HID1: variants seen among roughly 807,000 people sequenced by gnomAD.
HID1 encodes HID1 domain containing.
HID1 carries 42 observed loss-of-function variants against 89.7 expected under a neutral mutation model. The observed-to-expected ratio is 0.47, with a 90% CI of 0.37 to 0.61. The LOEUF is 0.61. Ranked by LOEUF, HID1 falls within the 20% of genes least tolerant of loss-of-function variation. HID1 has a pLI of 0.00. For missense variants in HID1, 854 were observed against 1,039.3 expected (o/e 0.82, Z 2.45); for synonymous variants, 442 against 433.8 (o/e 1.02, Z -0.24).
rs1306933357 is a variant in HID1, at chr17:74,958,424, T to G, written c.1295A>C (p.Glu432Ala). 1.2e-6 allele frequency: 2 copies of G among 1,604,768 alleles called. No homozygotes were observed. The highest frequency in any genetic ancestry group is 3.4e-5 in the Admixed American group (2 of 58,536). ...GTTCAGCCGCACCCCGAAGTTCCGC[T>G]CCCCGCTCAGAAGCAGCAAGATGAA... The part of the protein sequence containing the change: ...GVFILLLLSG[E>A]RNFGVRLNKP... The change falls in exon 11 of 19, where the codon GAG (glutamate) becomes GCG (alanine). Residue 432 changes from glutamate to alanine, a missense_variant. Glu to Ala is a moderately radical substitution (Grantham distance 107, BLOSUM62 -1). Coordinates refer to ENST00000425042, the MANE Select transcript of HID1 (RefSeq NM_030630.3). This position sits in a 1 kb window ranked among gnomAD's most constrained non-coding sequence, Gnocchi z 5.2.
intron 2 of HID1, 124 bp from the exon 3 acceptor site, chr17:74,964,034 G>GAGACAGTGGGGCCAC (rs1366980091): frequency 1.0e-6 from 1 of 993,744 alleles, no homozygotes; most frequent in Non-Finnish European, 1.5e-6. Flanking sequence ...CTGCAGAGGA[G>GAGACAGTGGGGCCAC]AGACAGTGGG....
chr17:74,953,866 C>T (rs2039345347), intron 14 of HID1, among the ~76,000 whole-genome samples: 1 of 152,258 alleles, frequency 6.6e-6, no homozygotes, highest in Non-Finnish European at 1.5e-5. Flanking sequence ...CAACACCAAG[C>T]TACACATGCT....
intron 1 of HID1, among the ~76,000 whole-genome samples, chr17:74,966,951 G>A (rs1347646207): frequency 6.6e-6 from 1 of 151,668 alleles, no homozygotes; most frequent in Non-Finnish European, 1.5e-5. Flanking sequence ...TCTCAAAAAA[G>A]TAATAATGGC....
chr17:74,952,086 A>T, intron 17 of HID1, 23 bp from the exon 18 acceptor site: 2 of 1,554,108 alleles, frequency 1.3e-6, no homozygotes, highest in Middle Eastern at 1.9e-4. Flanking sequence ...GGGTATCTCC[A>T]GCACACTCAC....
At position 74,963,010 on chromosome 17, in the gene HID1, G is replaced by A. The variant is rs1428803992; in HGVS notation, c.459C>T (p.Leu153=). The A allele has an allele frequency of 1.2e-6, 2 of 1,613,750 alleles. No individual in the cohort carries two copies. Among genetic ancestry groups the A allele is most frequent in the Non-Finnish European group, 1.7e-6 (2 of 1,179,784 alleles). ...TCTGAACCGTGAAGTCCGGGCAGAAGAGCAGGTCAGCAATGGCCAGGAGCA... is the reference window on the plus strand; with the variant it reads ...TCTGAACCGTGAAGTCCGGGCAGAAAAGCAGGTCAGCAATGGCCAGGAGCA... ...ESLLLAIADL[L]FCPDFTVQSH... Residue 153 remains leucine, a synonymous_variant, in exon 4 of 19, where the codon CTC becomes CTT. Coordinates refer to ENST00000425042, the MANE Select transcript of HID1 (RefSeq NM_030630.3).
chr17:74,972,221 C>T lies in HID1; in HGVS notation c.66+370G>A, dbSNP rs986415736. Among the ~76,000 whole-genome samples the T allele has an allele frequency of 3.8e-5, 3 of 79,330 alleles. No individual in the cohort carries two copies. The highest frequency in any genetic ancestry group is 1.5e-4 in the African/African-American group (3 of 20,654). 52.0% of individuals were successfully genotyped at this position (79,330 alleles called of 152,430 possible). ...GGGCAATGAGGGGCAGGGAGGGGAG[C>T]GGACGGTGGATGGGTGGGTGGGGGC... On this transcript the variant is annotated intron_variant, in intron 1 of 18. Coordinates refer to ENST00000425042, the MANE Select transcript of HID1 (RefSeq NM_030630.3). The surrounding 1 kb of genome is among the most constrained non-coding windows in gnomAD (Gnocchi z 6.4).
rs1316686185 is a variant in HID1 at position 74,958,373 on chromosome 17, A to G, written c.1346T>C (p.Met449Thr). 2 of 1,613,096 alleles carry G rather than the reference A, an allele frequency of 1.2e-6. No individual in the cohort carries two copies. The highest frequency in any genetic ancestry group is 1.6e-4 in the Middle Eastern group (1 of 6,062). Reference sequence around the variant, plus strand: ...GGTCCCTGTGAAGACTGGGATGTCCATGGGCACGCGGATTGAGTAGGGTTT... The same window carrying G: ...GGTCCCTGTGAAGACTGGGATGTCCGTGGGCACGCGGATTGAGTAGGGTTT... ...LNKPYSIRVP[M>T]DIPVFTGTHA... The change falls in exon 11 of 19, where the codon ATG becomes ACG. Residue 449 changes from methionine (M) to threonine (T), a missense_variant. Transcript: ENST00000425042. This position sits in a 1 kb window ranked among gnomAD's most constrained non-coding sequence, Gnocchi z 5.2.
chr17:74,958,175 G>A lies in HID1; in HGVS notation c.1437C>T (p.Pro479=). Residue 479 remains proline, a synonymous_variant, in exon 12 of 19, where the codon CCC becomes CCT. Coordinates refer to ENST00000425042, the MANE Select transcript of HID1 (RefSeq NM_030630.3). This position sits in a 1 kb window ranked among gnomAD's most constrained non-coding sequence, Gnocchi z 5.2. The stretch of plus-strand genomic sequence containing the variant: ...CGATGGTGAGCAGGCAGTCGAAGAG[G>A]GGCTGCAACCGCTGGTGCCCGCTGG... ...IITSGHQRLQ[P]LFDCLLTIVV... is the part of the protein sequence containing the mutation. 1 of 1,611,222 alleles carries A rather than the reference G, an allele frequency of 6.2e-7. No individual in the cohort carries two copies.
chr17:74,952,864 T>C, intron 16 of HID1, 142 bp downstream of exon 16: 1 of 639,028 alleles, frequency 1.6e-6, no homozygotes, highest in Admixed American at 3.0e-5. Context: ...GAGTCAGGCT[T>C]CTATGCTAGG....
intron 1 of HID1, among the ~76,000 whole-genome samples, chr17:74,969,132 G>A (rs745904050): frequency 5.5e-5 from 8 of 144,472 alleles, no homozygotes; most frequent in South Asian, 2.3e-4. Flanking sequence ...GTGGCTCAGC[G>A]CCTGCCTCAA....
rs2039442664 is a variant in HID1 at position 74,959,192 on chromosome 17, C to T, written c.1009-141G>A. ...CAGAGCCAGAGGGCCCAGATGCTAT[C>T]ACCCATAGCTGTCCTGGGGCGATGC... On this transcript the variant is annotated intron_variant, in intron 8 of 18. Transcript: ENST00000425042. The surrounding 1 kb of genome is among the most constrained non-coding windows in gnomAD (Gnocchi z 4.6). 2.0e-6 allele frequency: 2 copies of T among 993,300 alleles called. No individual in the cohort carries two copies. The highest frequency in any genetic ancestry group is 2.8e-6 in the Non-Finnish European group (2 of 705,494). The allele number at this position is 993,300 out of a possible 1,614,324, so 61.5% of individuals were successfully genotyped here. A position where few individuals can be genotyped will look rare whatever the true frequency, so the allele number is the denominator to read the frequency against.
intron 13 of HID1, chr17:74,954,999 G>C (rs1233830230): frequency 6.3e-6 from 1 of 159,784 alleles, no homozygotes; most frequent in Non-Finnish European, 1.4e-5. Context: ...CAGGCACTGT[G>C]CTAAGTGCCT....
chr17:74,954,767 T>G, intron 13 of HID1: 1 of 266,878 alleles, frequency 3.7e-6, no homozygotes, highest in South Asian at 3.8e-5. Context: ...AGAGGATCCG[T>G]CCATCCCCCA....
At position 74,956,070 on chromosome 17, in the gene HID1, G is replaced by C. The variant is rs534993358; in HGVS notation, c.1472-114C>G. Reference sequence around the variant, plus strand: ...TCTCAATCCCTCCCTGCCCCCTGCAGAGCCAGGACGACCAAGGCCCTAAGA... The same window carrying C: ...TCTCAATCCCTCCCTGCCCCCTGCACAGCCAGGACGACCAAGGCCCTAAGA... On this transcript the variant is annotated intron_variant, in intron 12 of 18. Transcript: ENST00000425042. The C allele has an allele frequency of 1.3e-4, 139 of 1,075,542 alleles. No individual in the cohort carries two copies. The African/African-American group carries it at 1.8e-3, about 14-fold the overall frequency. 66.6% of individuals were successfully genotyped at this position (1,075,542 alleles called of 1,614,324 possible). A position where few individuals can be genotyped will look rare whatever the true frequency, so the allele number is the denominator to read the frequency against.
chr17:74,960,364 T>A, intron 6 of HID1, 116 bp from the exon 7 acceptor site: 1 of 854,648 alleles, frequency 1.2e-6, no homozygotes, highest in Non-Finnish European at 1.8e-6. Flanking sequence ...TAGCACCACG[T>A]CAGGGAGTGG....
intron 15 of HID1, 104 bp from the exon 16 acceptor site, chr17:74,953,190 G>T: frequency 9.8e-7 from 1 of 1,021,036 alleles, no homozygotes; most frequent in Non-Finnish European, 1.4e-6. Context: ...TCCCACAAAG[G>T]GGAAGGCCCA....
rs746743370 is a variant in HID1 at position 74,958,478 on chromosome 17, G to A, written c.1241C>T (p.Ser414Phe). 1.9e-6 allele frequency: 3 copies of A among 1,590,152 alleles called. No homozygotes were observed. In the Admixed American group the frequency reaches 5.3e-5, roughly 28 times the overall value. Residue 414 changes from serine (S) to phenylalanine (F), a missense_variant and splice_region_variant, in exon 11 of 19, where the codon TCT (serine) becomes TTT (phenylalanine). Transcript: ENST00000425042. The surrounding 1 kb of genome is among the most constrained non-coding windows in gnomAD (Gnocchi z 5.2). ...ACCAATGTGCATCAGGCCCACCCGAGCTGCGGCAGGTGGCGTGGGAGGGGT... is the reference window on the plus strand; with the variant it reads ...ACCAATGTGCATCAGGCCCACCCGAACTGCGGCAGGTGGCGTGGGAGGGGT... ...FFLNDARADQ[S>F]RVGLMHIGVF...
intron 1 of HID1, among the ~76,000 whole-genome samples, chr17:74,967,098 G>T (rs1293416783): frequency 2.0e-5 from 3 of 151,960 alleles, no homozygotes; most frequent in Non-Finnish European, 2.9e-5. Flanking sequence ...AATTAGCTGG[G>T]TGTGGTGGTG....
chr17:74,969,114 G>A (rs569826544), intron 1 of HID1, among the ~76,000 whole-genome samples: 1 of 152,294 alleles, frequency 6.6e-6, no homozygotes, highest in Admixed American at 6.5e-5. Flanking sequence ...GCTTCTAATG[G>A]GAGAAACGTG....
Sources: allele counts gnomAD v4.1 joint callset (sites outside exome capture counted in the v4.1 genomes callset), GRCh38; gene constraint gnomAD v4.1.1; non-coding constraint Gnocchi (gnomAD v3.1); transcripts MANE v1.5; gene names NCBI Gene and HGNC (gene_info 2026-07-23, HGNC 2026-07-21).